Variants in ANKRD55 observed in about 807,000 individuals in gnomAD.
The protein encoded by ANKRD55 is ankyrin repeat domain-containing protein 55.
Under a neutral mutation model 60.6 loss-of-function variants are expected in ANKRD55, and 41 were observed. The observed-to-expected ratio is 0.68, with a 90% CI of 0.53 to 0.88. The LOEUF (loss-of-function observed/expected upper bound fraction) is 0.88. Ranked by LOEUF, ANKRD55 falls within the 40% of genes least tolerant of loss-of-function variation. The pLI is 0.00. For synonymous variants in ANKRD55, 264 were observed against 290.3 expected (o/e 0.91, Z 0.92); for missense variants, 732 against 767.6 (o/e 0.95, Z 0.55).
At chr5:56,142,709 C>A (rs979596076) in intron 7 of ANKRD55, among the ~76,000 whole-genome samples, 1 of 152,308 alleles carries the variant, frequency 6.6e-6, no homozygotes. Context: ...ACAGTGGTGA[C>A]CCCTGACCAG....
intron 2 of ANKRD55, among the ~76,000 whole-genome samples, chr5:56,219,634 C>A (rs2111886904): frequency 1.3e-5 from 2 of 152,302 alleles, no homozygotes; most frequent in Middle Eastern, 6.8e-3. Context: ...CACAATTCAG[C>A]AGACCCTGCA....
intron 7 of ANKRD55, among the ~76,000 whole-genome samples, chr5:56,141,417 A>G (rs1405540376): frequency 6.6e-6 from 1 of 152,210 alleles, no homozygotes; most frequent in Non-Finnish European, 1.5e-5. Flanking sequence ...TTTGAAAAAT[A>G]TTGATGGCTG....
rs139044151 is a variant in ANKRD55 at position 56,128,817 on chromosome 5, T to A, written c.613-1711A>T. Among the ~76,000 whole-genome samples the A allele has an allele frequency of 5.1e-3, 779 of 152,308 alleles. 3 individuals are homozygous for A. Among genetic ancestry groups the A allele is most frequent in the African/African-American group, 0.018 (733 of 41,564 alleles). On this transcript the variant is annotated intron_variant, in intron 7 of 11. Transcript: ENST00000341048. ...TCTGTCACGGCTGAGAATGAGCAGA[T>A]CCAGGATTGACTGTGGAGGCATTGG... is the stretch of plus-strand genomic sequence containing the variant.
chr5:56,172,441 A>G (rs1474559327), intron 4 of ANKRD55, among the ~76,000 whole-genome samples: 1 of 152,186 alleles, frequency 6.6e-6, no homozygotes, highest in Admixed American at 6.5e-5. Flanking sequence ...AAAGAAAGGC[A>G]TGCTGGGCAA....
At chr5:56,144,645 T>A (rs1757853289) in intron 6 of ANKRD55, among the ~76,000 whole-genome samples, 1 of 152,194 alleles carries the variant, frequency 6.6e-6, no homozygotes, top group East Asian at 1.9e-4. Context: ...CAATGAAGGA[T>A]TTTAAGCAGG....
intron 8 of ANKRD55, 52 bp from the exon 9 acceptor site, chr5:56,116,834 A>G (rs750797662): frequency 1.4e-6 from 2 of 1,469,100 alleles, no homozygotes; most frequent in Non-Finnish European, 1.8e-6. Flanking sequence ...TGAATTGTTC[A>G]GGCTGCTTAG....
At chr5:56,102,428 A>G (rs1429131331) in intron 11 of ANKRD55, 66 bp downstream of exon 11, 14 of 1,168,008 alleles carry the variant, frequency 1.2e-5, no homozygotes, top group Non-Finnish European at 1.6e-5. Context: ...AACGGAAATA[A>G]CATTTAGTTG....
intron 10 of ANKRD55, among the ~76,000 whole-genome samples, chr5:56,108,918 T>C (rs1387875837): frequency 6.6e-6 from 1 of 152,054 alleles, no homozygotes; most frequent in Non-Finnish European, 1.5e-5. Context: ...ATGCCTGTAA[T>C]CCCAGCTACC....
At chr5:56,153,933 C>T (rs576786513) in intron 6 of ANKRD55, among the ~76,000 whole-genome samples, 1 of 145,920 alleles carries the variant, frequency 6.9e-6, no homozygotes, top group Non-Finnish European at 1.5e-5. Context: ...TAAGTTAGGC[C>T]GGGTGTGGTG....
chr5:56,172,011 C>T (rs951743145), intron 4 of ANKRD55, among the ~76,000 whole-genome samples: 11 of 151,402 alleles, frequency 7.3e-5, no homozygotes, highest in African/African-American at 7.3e-5. Flanking sequence ...CCCAGCTACT[C>T]GGGAGGCTGA....
At chr5:56,112,511 A>AAAAAAAAAAAAAAAAAAAAAAC in intron 9 of ANKRD55, among the ~76,000 whole-genome samples, 20 of 81,502 alleles carry the variant, frequency 2.5e-4, no homozygotes, top group African/African-American at 5.4e-4. Flanking sequence ...TAGCAAAAAA[A>AAAAAAAAAAAAAAAAAAAAAAC]AAAAAAAAAA....
At chr5:56,226,594 G>A (rs140284105) in intron 2 of ANKRD55, among the ~76,000 whole-genome samples, 5,171 of 150,682 alleles carry the variant, frequency 0.034, 290 homozygotes, top group African/African-American at 0.12. Flanking sequence ...CTCATCTGAC[G>A]AAGGGCTAAT....
At chr5:56,209,459 T>C (rs968306199) in intron 2 of ANKRD55, among the ~76,000 whole-genome samples, 16 of 145,330 alleles carry the variant, frequency 1.1e-4, no homozygotes, top group Admixed American at 2.0e-4. Context: ...CATTTTTACA[T>C]GTATATCTTT....
chr5:56,208,738 T>A (rs1351391751), intron 2 of ANKRD55, among the ~76,000 whole-genome samples: 3 of 152,150 alleles, frequency 2.0e-5, no homozygotes, highest in Non-Finnish European at 4.4e-5. Flanking sequence ...TGTGCTTTTT[T>A]TAAACAACTG....
chr5:56,158,634 G>A (rs1158843971), intron 6 of ANKRD55, among the ~76,000 whole-genome samples: 2 of 152,160 alleles, frequency 1.3e-5, no homozygotes, highest in African/African-American at 2.4e-5. Context: ...GATTAATAAT[G>A]TGATGTCTGG....
chr5:56,174,994 CCT>C, intron 4 of ANKRD55, among the ~76,000 whole-genome samples: 1 of 152,120 alleles, frequency 6.6e-6, no homozygotes, highest in Non-Finnish European at 1.5e-5. Flanking sequence ...TTCTGATAAC[CCT>C]CTACCATCAG....
intron 7 of ANKRD55, among the ~76,000 whole-genome samples, chr5:56,129,680 C>G (rs1038558566): frequency 5.3e-5 from 8 of 152,184 alleles, no homozygotes; most frequent in African/African-American, 1.9e-4. Flanking sequence ...CGATTTAAGA[C>G]TAGTTGCTTA....
chr5:56,201,084 T>C (rs183323073), intron 2 of ANKRD55, among the ~76,000 whole-genome samples: 3 of 152,314 alleles, frequency 2.0e-5, no homozygotes, highest in Non-Finnish European at 4.4e-5. Context: ...TGAGACATAC[T>C]GGAGATATTA....
intron 9 of ANKRD55, among the ~76,000 whole-genome samples, chr5:56,115,915 A>G (rs1412264247): frequency 1.3e-5 from 2 of 151,962 alleles, no homozygotes; most frequent in South Asian, 2.1e-4. Flanking sequence ...AGTGCAATGG[A>G]GTGATCTCGG....
Sources: gnomAD v4.1 joint callset for allele counts (sites outside exome capture counted in the v4.1 genomes callset) on GRCh38, gnomAD v4.1.1 for gene constraint, MANE v1.5 for transcripts, NCBI Gene and HGNC (gene_info 2026-07-23, HGNC 2026-07-21) for gene names.